The following RANGAP1 variants were observed in gnomAD, a reference collection of about 807,000 sequenced individuals.
RANGAP1 encodes the protein ran GTPase-activating protein 1.
RANGAP1 carries 38 observed loss-of-function variants against 63.5 expected under a neutral mutation model. That is an observed-to-expected ratio of 0.60 (90% CI 0.46 to 0.78). The LOEUF (loss-of-function observed/expected upper bound fraction) is 0.78. RANGAP1 is among the 30% of genes least tolerant of loss of function. The probability of loss-of-function intolerance (pLI) is 0.00; values close to 1 mark genes in which losing one functional copy is unlikely to be tolerated. For synonymous variants in RANGAP1, 329 were observed against 310.5 expected, an observed-to-expected ratio of 1.06 and a Z score of -0.63; for missense variants, 630 against 740.3, an observed-to-expected ratio of 0.85 and a Z score of 1.73.
chr22:41,247,030 GT>G (rs889385735), intron 15 of RANGAP1, among the ~76,000 whole-genome samples: 6 of 152,068 alleles, frequency 3.9e-5, no homozygotes, highest in African/African-American at 1.4e-4. Context: ...GCTAGCCATT[GT>G]TTTTTTGGTT....
intron 4 of RANGAP1, among the ~76,000 whole-genome samples, chr22:41,266,815 G>A (rs1414381289): frequency 6.6e-6 from 1 of 152,060 alleles, no homozygotes; most frequent in Non-Finnish European, 1.5e-5. Context: ...CAAAATGCTG[G>A]GATTACAGGC....
At chr22:41,282,668 G>A (rs1053205749) in intron 1 of RANGAP1, among the ~76,000 whole-genome samples, 15 of 152,104 alleles carry the variant, frequency 9.9e-5, no homozygotes, top group African/African-American at 3.4e-4. Context: ...GAACTCCTGC[G>A]CCTGCTCATG....
upstream of RANGAP1, among the ~76,000 whole-genome samples, chr22:41,287,104 T>C (rs1156317647): frequency 4.6e-5 from 7 of 152,230 alleles, no homozygotes; most frequent in African/African-American, 1.7e-4. Flanking sequence ...AATGTTAAAT[T>C]TATTAATTTT....
chr22:41,297,764 C>G, the RANGAP1 span, among the ~76,000 whole-genome samples: 2 of 148,734 alleles, frequency 1.3e-5, 1 homozygote, highest in South Asian at 4.3e-4. Flanking sequence ...GATCTTGGCT[C>G]ACTCCAACCT....
chr22:41,249,895 A>G, intron 13 of RANGAP1, 78 bp from the exon 14 acceptor site: 1 of 1,292,596 alleles, frequency 7.7e-7, no homozygotes, highest in Admixed American at 1.8e-5. Context: ...TTCCCCCAAC[A>G]CCGCGCAGAC....
intron 1 of RANGAP1, 42 bp from the exon 2 acceptor site, chr22:41,281,124 G>A: frequency 6.7e-7 from 1 of 1,499,512 alleles, no homozygotes; most frequent in Non-Finnish European, 8.8e-7. Context: ...GAGTCTCCTG[G>A]GGCCCCTGGT....
intron 6 of RANGAP1, among the ~76,000 whole-genome samples, chr22:41,260,085 C>T (rs2034076652): frequency 6.6e-6 from 1 of 151,874 alleles, no homozygotes. Context: ...CTTTCTAATG[C>T]TGTGAGGTTT....
intron 12 of RANGAP1, among the ~76,000 whole-genome samples, chr22:41,252,598 A>C (rs1004757380): frequency 3.9e-5 from 6 of 152,206 alleles, no homozygotes; most frequent in Middle Eastern, 3.2e-3. Flanking sequence ...GGGTGGGCAC[A>C]TGCAAGGCTC....
chr22:41,280,058 C>T (rs2035404225), intron 2 of RANGAP1, among the ~76,000 whole-genome samples: 1 of 151,964 alleles, frequency 6.6e-6, no homozygotes, highest in Non-Finnish European at 1.5e-5. Context: ...GAGATCGTGC[C>T]ACTGCACTCT....
the RANGAP1 span, among the ~76,000 whole-genome samples, chr22:41,300,428 T>TCACA: frequency 0.078 from 2,766 of 35,582 alleles, 203 homozygotes; most frequent in Middle Eastern, 0.17. Flanking sequence ...TATTGGGAAC[T>TCACA]CACACACACA....
rs549015382 is a variant in RANGAP1 at position 41,245,127 on chromosome 22, G to C, written c.*1476C>G. 6.6e-6 allele frequency among the ~76,000 whole-genome samples: 1 copy of C among 152,338 alleles called. No homozygotes were observed. Among genetic ancestry groups the C allele is most frequent in the South Asian group, 2.1e-4 (1 of 4,822 alleles). ...CGTATCAACTCACACAGAAGACAGG[G>C]GACAGGGCCAGCAGTATCCTCTGCC... On this transcript the variant is annotated 3_prime_UTR_variant, in exon 16 of 16. Transcript: ENST00000356244.
upstream of RANGAP1, among the ~76,000 whole-genome samples, chr22:41,287,684 A>G (rs775615824): frequency 1.3e-5 from 2 of 151,972 alleles, no homozygotes; most frequent in South Asian, 4.1e-4. Context: ...GAAAAAAAAA[A>G]AAAGTTAAAC....
In RANGAP1 at chr22:41,246,277, C is replaced by T. The variant is rs73428601; in HGVS notation, c.*326G>A. On this transcript the variant is annotated 3_prime_UTR_variant, in exon 16 of 16. Coordinates refer to ENST00000356244, the MANE Select transcript of RANGAP1 (RefSeq NM_002883.4). Reference sequence around the variant, plus strand: ...GTGGGGACGGCCATCAGGGCCCAGGCGGAGATCAGCAGAGCGCCCTCAGGT... The same window carrying T: ...GTGGGGACGGCCATCAGGGCCCAGGTGGAGATCAGCAGAGCGCCCTCAGGT... 6,582 of 217,252 alleles carry T rather than the reference C, an allele frequency of 0.03. 440 individuals carry two copies. Among genetic ancestry groups the T allele is most frequent in the African/African-American group, 0.14 (6,165 of 43,416 alleles). The allele number at this position is 217,252 out of a possible 1,614,324, so 13.5% of individuals were successfully genotyped here. A position where few individuals can be genotyped will look rare whatever the true frequency, so the allele number is the denominator to read the frequency against.
At chr22:41,263,510 G>A (rs994935313) in intron 5 of RANGAP1, among the ~76,000 whole-genome samples, 2 of 152,212 alleles carry the variant, frequency 1.3e-5, no homozygotes, top group Non-Finnish European at 1.5e-5. Flanking sequence ...TCAGCCTCCC[G>A]AATAGCTGGG....
chr22:41,278,197 C>A (rs1416883850), intron 2 of RANGAP1, among the ~76,000 whole-genome samples: 1 of 152,112 alleles, frequency 6.6e-6, no homozygotes, highest in East Asian at 1.9e-4. Flanking sequence ...CACCACCACG[C>A]CCGGCTAATT....
At chr22:41,266,686 CATCACGCCCAGCT>C (rs2145772432) in intron 4 of RANGAP1, among the ~76,000 whole-genome samples, 1 of 152,282 alleles carries the variant, frequency 6.6e-6, no homozygotes, top group East Asian at 1.9e-4. Context: ...AGGCCCCTGC[CATCACGCCCAGCT>C]AATTTTTGTA....
At chr22:41,258,731 C>T (rs1483928601) in intron 6 of RANGAP1, among the ~76,000 whole-genome samples, 8 of 152,052 alleles carry the variant, frequency 5.3e-5, no homozygotes, top group African/African-American at 1.2e-4. Context: ...CTTGGCTCAT[C>T]GCAACCTCTG....
At position 41,264,653 on chromosome 22, in the gene RANGAP1, G is replaced by A; in HGVS notation, c.480+11C>T. On this transcript the variant is annotated intron_variant, in intron 5 of 15. Coordinates refer to ENST00000356244, the MANE Select transcript of RANGAP1 (RefSeq NM_002883.4). ...CAGGGGACTCTGCGGGGAGGGGGCT[G>A]CCACACCCACCTTGCCGCCGCCAAT... The A allele has an allele frequency of 6.2e-7, 1 of 1,607,104 alleles. No individual in the cohort carries two copies. Among genetic ancestry groups the A allele is most frequent in the East Asian group, 2.2e-5 (1 of 44,676 alleles).
chr22:41,277,232 T>C (rs895896869), intron 2 of RANGAP1, among the ~76,000 whole-genome samples: 11 of 151,156 alleles, frequency 7.3e-5, no homozygotes, highest in Non-Finnish European at 1.5e-4. Context: ...CGCCCGCCAC[T>C]ACGCCCGGCT....
Sources: allele counts gnomAD v4.1 joint callset (sites outside exome capture counted in the v4.1 genomes callset), GRCh38; gene constraint gnomAD v4.1.1; transcripts MANE v1.5; gene names NCBI Gene and HGNC (gene_info 2026-07-23, HGNC 2026-07-21).